FEM1A: variants seen among roughly 807,000 people sequenced by gnomAD.
The protein encoded by FEM1A is fem-1 homolog A.
In FEM1A, 1 loss-of-function variant was observed where a neutral mutation model predicts 0.7. That is an observed-to-expected ratio of 1.35 (90% CI 0.48 to 6.40). The LOEUF is 6.40. Ranked by LOEUF, FEM1A falls within the 30% of genes most tolerant of loss-of-function variation. The pLI is 0.14. For missense variants in FEM1A, 721 were observed against 918.7 expected (o/e 0.78, Z 2.78); for synonymous variants, 391 against 420.6 (o/e 0.93, Z 0.86).
At position 4,796,330 on chromosome 19, in the gene FEM1A, T is replaced by G. The variant is rs1193533227; in HGVS notation, c.*2466T>G. The G allele has an allele frequency of 6.6e-6, 1 of 152,042 alleles. No homozygotes were observed. Among genetic ancestry groups the G allele is most frequent in the Admixed American group, 6.6e-5 (1 of 15,232 alleles). The allele number at this position is 152,042 out of a possible 1,614,324, so 9.4% of individuals were successfully genotyped here. On this transcript the variant is annotated 3_prime_UTR_variant, in exon 1 of 1. Coordinates refer to ENST00000269856, the MANE Select transcript of FEM1A (RefSeq NM_018708.3). ...CCTCAGCCTCCTGAGCATCTGGGACTACAGGCATACACCACCATGCCTGGC... is the reference window on the plus strand; with the variant it reads ...CCTCAGCCTCCTGAGCATCTGGGACGACAGGCATACACCACCATGCCTGGC...
chr19:4,792,655 T>G lies in FEM1A; in HGVS notation c.801T>G (p.Pro267=), dbSNP rs369713713. The part of the protein sequence containing the change: ...DPSTSQGCAQ[P]QGAPCCSSSP... ...CCACCAGCCAGGGGTGTGCGCAGCCTCAGGGGGCTCCGTGCTGCAGCTCCT... is the reference window on the plus strand; with the variant it reads ...CCACCAGCCAGGGGTGTGCGCAGCCGCAGGGGGCTCCGTGCTGCAGCTCCT... Residue 267 remains proline, a synonymous_variant, in exon 1 of 1, where the codon CCT becomes CCG. Coordinates refer to ENST00000269856, the MANE Select transcript of FEM1A (RefSeq NM_018708.3). The surrounding 1 kb of genome is among the most constrained non-coding windows in gnomAD (Gnocchi z 6.7). 219 of 1,612,036 alleles carry G rather than the reference T, an allele frequency of 1.4e-4. No individual in the cohort carries two copies. The East Asian group carries it at 3.7e-3, about 27-fold the overall frequency.
chr19:4,794,645 T>C lies in FEM1A; in HGVS notation c.*781T>C, dbSNP rs2093559038. The C allele has an allele frequency of 1.2e-5, 2 of 166,724 alleles. No individual in the cohort carries two copies. The highest frequency in any genetic ancestry group is 4.1e-4 in the South Asian group (2 of 4,822). 10.3% of individuals were successfully genotyped at this position (166,724 alleles called of 1,614,324 possible). A position where few individuals can be genotyped will look rare whatever the true frequency, so the allele number is the denominator to read the frequency against. ...CCGAGGGCACAGGGAGTGAGCTGTA[T>C]GTGTGAGGAATTTGGTGAGCGAGAT... is the stretch of plus-strand genomic sequence containing the variant. On this transcript the variant is annotated 3_prime_UTR_variant, in exon 1 of 1. Transcript: ENST00000269856.
At position 4,796,767 on chromosome 19, in the gene FEM1A, C is replaced by G. The variant is rs187614474; in HGVS notation, c.*2903C>G. The G allele has an allele frequency of 5.9e-5, 9 of 152,578 alleles. No individual in the cohort carries two copies. Among genetic ancestry groups the G allele is most frequent in the African/African-American group, 1.9e-4 (8 of 41,576 alleles). The allele number at this position is 152,578 out of a possible 1,614,324, so 9.5% of individuals were successfully genotyped here. On this transcript the variant is annotated 3_prime_UTR_variant, in exon 1 of 1. Transcript: ENST00000269856. ...GGGGAGAGGCCCTGCTGTGGGGCAC[C>G]GCATGCTGCTTCCATGGTGCATTGG...
At position 4,793,778 on chromosome 19, in the gene FEM1A, C is replaced by T; in HGVS notation, c.1924C>T (p.Leu642Phe). 1 of 1,611,840 alleles carries T rather than the reference C, an allele frequency of 6.2e-7. No individual in the cohort carries two copies. Among genetic ancestry groups the T allele is most frequent in the Non-Finnish European group, 8.5e-7 (1 of 1,179,642 alleles). Residue 642 changes from leucine to phenylalanine, a missense_variant, in exon 1 of 1, where the codon CTT (leucine) becomes TTT (phenylalanine). Around this residue, in one of 4 missense-constraint regions of FEM1A, gnomAD observed 379 missense variants for 454.8 expected, o/e 0.83. Coordinates refer to ENST00000269856, the MANE Select transcript of FEM1A (RefSeq NM_018708.3). The surrounding 1 kb of genome is among the most constrained non-coding windows in gnomAD (Gnocchi z 5.1). ...QPFNYVTLQC[L>F]AARALDKNKI... ...CTTCAACTACGTGACCCTGCAGTGC[C>T]TTGCGGCCCGGGCCCTGGATAAGAA... is the stretch of plus-strand genomic sequence containing the variant.
In FEM1A at chr19:4,800,177, T is replaced by C. The variant is rs1465072753; in HGVS notation, c.*6313T>C. On this transcript the variant is annotated 3_prime_UTR_variant, in exon 1 of 1. Transcript: ENST00000269856. ...GAGAAAAATAAGAATAATAATAAAG[T>C]AGGAAAAACAGCCCTCTTAAGAGGA... is the stretch of plus-strand genomic sequence containing the variant. 6.6e-6 allele frequency: 1 copy of C among 151,856 alleles called. No homozygotes were observed. The highest frequency in any genetic ancestry group is 6.6e-5 in the Admixed American group (1 of 15,196). 9.4% of individuals were successfully genotyped at this position (151,856 alleles called of 1,614,324 possible).
chr19:4,793,791 C>T lies in FEM1A; in HGVS notation c.1937C>T (p.Ala646Val), dbSNP rs777026417. The change falls in exon 1 of 1, where the codon GCC (alanine) becomes GTC (valine). Residue 646 changes from alanine (A) to valine (V), a missense_variant. Transcript: ENST00000269856. This position sits in a 1 kb window ranked among gnomAD's most constrained non-coding sequence, Gnocchi z 5.1. ...ACCCTGCAGTGCCTTGCGGCCCGGGCCCTGGATAAGAACAAGATCCCTTAC... is the reference window on the plus strand; with the variant it reads ...ACCCTGCAGTGCCTTGCGGCCCGGGTCCTGGATAAGAACAAGATCCCTTAC... ...YVTLQCLAAR[A>V]LDKNKIPYKG... 1.9e-5 allele frequency: 31 copies of T among 1,610,696 alleles called. No homozygotes were observed. The highest frequency in any genetic ancestry group is 2.4e-5 in the Non-Finnish European group (28 of 1,179,340).
Position 4,793,843 on chromosome 19 carries a change from G to C in FEM1A, c.1989G>C (p.Glu663Asp), listed in dbSNP as rs901086160. 10 of 1,605,482 alleles carry C rather than the reference G, an allele frequency of 6.2e-6. No individual in the cohort carries two copies. The highest frequency in any genetic ancestry group is 1.7e-5 in the Admixed American group (1 of 59,172). ...AGGGCTTCATCCCGGAAGATCTGGA[G>C]GCGTTCATCGAACTGCACTGACCTG... ...PYKGFIPEDL[E>D]AFIELH Residue 663 changes from glutamate (E) to aspartate (D), a missense_variant, in exon 1 of 1, where the codon GAG (glutamate) becomes GAC (aspartate). Glu to Asp is a conservative substitution (Grantham distance 45). This residue lies in a region of FEM1A where 10 missense variants were observed against 25.3 expected (regional missense o/e 0.39). Transcript: ENST00000269856. The surrounding 1 kb of genome is among the most constrained non-coding windows in gnomAD (Gnocchi z 5.1).
rs2093554694 is a variant in FEM1A at position 4,791,862 on chromosome 19, T to G, written c.8T>G (p.Leu3Arg). Residue 3 changes from leucine (L) to arginine (R), a missense_variant, in exon 1 of 1, where the codon CTC becomes CGC. This residue lies in a region of FEM1A where 195 missense variants were observed against 316.9 expected (regional missense o/e 0.62). Transcript: ENST00000269856. Reference sequence around the variant, plus strand: ...CTGGCGGAGGCCCGAACCATGGACCTCCGCACCGCCGTGTACAACGCCGCC... The same window carrying G: ...CTGGCGGAGGCCCGAACCATGGACCGCCGCACCGCCGTGTACAACGCCGCC... MDLRTAVYNAARD... is the reference protein window; with the variant it reads MDRRTAVYNAARD... 6.6e-7 allele frequency: 1 copy of G among 1,510,460 alleles called. No homozygotes were observed. The highest frequency in any genetic ancestry group is 1.4e-5 in the African/African-American group (1 of 69,972). 93.6% of individuals were successfully genotyped at this position (1,510,460 alleles called of 1,614,324 possible).
At position 4,799,849 on chromosome 19, in the gene FEM1A, G is replaced by A. The variant is rs2093566105; in HGVS notation, c.*5985G>A. On this transcript the variant is annotated 3_prime_UTR_variant, in exon 1 of 1. Transcript: ENST00000269856. Reference sequence around the variant, plus strand: ...TGAACCCGGGAGGCGGAGTTACAGTGAGCCGAGATCGCGCCACTGCACTCC... The same window carrying A: ...TGAACCCGGGAGGCGGAGTTACAGTAAGCCGAGATCGCGCCACTGCACTCC... 1 of 132,134 alleles carries A rather than the reference G, an allele frequency of 7.6e-6. No individual in the cohort carries two copies. Among genetic ancestry groups the A allele is most frequent in the Non-Finnish European group, 1.6e-5 (1 of 64,394 alleles). 8.2% of individuals were successfully genotyped at this position (132,134 alleles called of 1,614,324 possible). A position where few individuals can be genotyped will look rare whatever the true frequency, so the allele number is the denominator to read the frequency against.
rs1292572931 is a variant in FEM1A at position 4,800,398 on chromosome 19, C to G, written c.*6534C>G. 6.6e-6 allele frequency: 1 copy of G among 152,286 alleles called. No homozygotes were observed. The highest frequency in any genetic ancestry group is 6.6e-5 in the Admixed American group (1 of 15,260). 9.4% of individuals were successfully genotyped at this position (152,286 alleles called of 1,614,324 possible). ...GACCTGGGAGATGGGGAAGTGGGGGCCCCCCCAAGCTCGCCGACTGCCCTT... is the reference window on the plus strand; with the variant it reads ...GACCTGGGAGATGGGGAAGTGGGGGGCCCCCCAAGCTCGCCGACTGCCCTT... On this transcript the variant is annotated 3_prime_UTR_variant, in exon 1 of 1. Coordinates refer to ENST00000269856, the MANE Select transcript of FEM1A (RefSeq NM_018708.3).
chr19:4,793,575 C>G lies in FEM1A; in HGVS notation c.1721C>G (p.Pro574Arg). Residue 574 changes from proline to arginine, a missense_variant, in exon 1 of 1, where the codon CCG (proline) becomes CGG (arginine). Physicochemically the swap from Pro to Arg is moderately radical, Grantham distance 103. Around this residue, in one of 4 missense-constraint regions of FEM1A, gnomAD observed 379 missense variants for 454.8 expected, o/e 0.83. Transcript: ENST00000269856. The surrounding 1 kb of genome is among the most constrained non-coding windows in gnomAD (Gnocchi z 5.1). ...VKVLLDCGADPDSRDFDNNTP... is the reference protein window; with the variant it reads ...VKVLLDCGADRDSRDFDNNTP... ...GTGCTGCTCGACTGCGGGGCCGACCCGGACAGCAGGGATTTTGACAACAAC... is the reference window on the plus strand; with the variant it reads ...GTGCTGCTCGACTGCGGGGCCGACCGGGACAGCAGGGATTTTGACAACAAC... The G allele has an allele frequency of 6.2e-7, 1 of 1,612,944 alleles. No homozygotes were observed. Among genetic ancestry groups the G allele is most frequent in the Non-Finnish European group, 8.5e-7 (1 of 1,179,854 alleles).
chr19:4,800,403 C>CATTAGG lies in FEM1A; in HGVS notation c.*6539_*6540insATTAGG, dbSNP rs2093567220. On this transcript the variant is annotated 3_prime_UTR_variant, in exon 1 of 1. Coordinates refer to ENST00000269856, the MANE Select transcript of FEM1A (RefSeq NM_018708.3). ...GGGAGATGGGGAAGTGGGGGCCCCC[C>CATTAGG]CAAGCTCGCCGACTGCCCTTCCCAG... is the stretch of plus-strand genomic sequence containing the variant. The CATTAGG allele has an allele frequency of 6.6e-6, 1 of 152,500 alleles. No homozygotes were observed. The highest frequency in any genetic ancestry group is 1.5e-5 in the Non-Finnish European group (1 of 68,300). 9.4% of individuals were successfully genotyped at this position (152,500 alleles called of 1,614,324 possible). A position where few individuals can be genotyped will look rare whatever the true frequency, so the allele number is the denominator to read the frequency against.
Position 4,799,094 on chromosome 19 carries a change from AAG to A in FEM1A, c.*5235_*5236del, listed in dbSNP as rs1218062069. 1.3e-5 allele frequency: 2 copies of A among 152,330 alleles called. No individual in the cohort carries two copies. The highest frequency in any genetic ancestry group is 6.6e-5 in the Admixed American group (1 of 15,258). The allele number at this position is 152,330 out of a possible 1,614,324, so 9.4% of individuals were successfully genotyped here. A position where few individuals can be genotyped will look rare whatever the true frequency, so the allele number is the denominator to read the frequency against. On this transcript the variant is annotated 3_prime_UTR_variant, in exon 1 of 1. Coordinates refer to ENST00000269856, the MANE Select transcript of FEM1A (RefSeq NM_018708.3). ...TGTCCCAAGGTGATGACCAGGAGAA[AAG>A]AGAGCGTCTTCCTCCCAGTCACATC... is the stretch of plus-strand genomic sequence containing the variant.
In FEM1A at chr19:4,798,176, T is replaced by C. The variant is rs1374581797; in HGVS notation, c.*4312T>C. 1 of 150,650 alleles carries C rather than the reference T, an allele frequency of 6.6e-6. No homozygotes were observed. Among genetic ancestry groups the C allele is most frequent in the Non-Finnish European group, 1.5e-5 (1 of 67,736 alleles). 9.3% of individuals were successfully genotyped at this position (150,650 alleles called of 1,614,324 possible). ...TGAACCCGGGAGGCGGAGCTTGCAG[T>C]GAGCCGAGATCGCACCACTGCACTC... is the stretch of plus-strand genomic sequence containing the variant. On this transcript the variant is annotated 3_prime_UTR_variant, in exon 1 of 1. Transcript: ENST00000269856.
In FEM1A at chr19:4,798,927, T is replaced by G. The variant is rs189113124; in HGVS notation, c.*5063T>G. The G allele has an allele frequency of 2.0e-5, 3 of 152,310 alleles. No homozygotes were observed. In the East Asian group the frequency reaches 5.8e-4, roughly 29 times the overall value. 9.4% of individuals were successfully genotyped at this position (152,310 alleles called of 1,614,324 possible). A position where few individuals can be genotyped will look rare whatever the true frequency, so the allele number is the denominator to read the frequency against. ...AATGCTTGCTTTGAAAGCTCAGACC[T>G]GGGGATTGTAACTTTAGCCTCATAC... On this transcript the variant is annotated 3_prime_UTR_variant, in exon 1 of 1. Coordinates refer to ENST00000269856, the MANE Select transcript of FEM1A (RefSeq NM_018708.3).
rs34120144 is a variant in FEM1A, at chr19:4,795,702, CT to C, written c.*1853del. 3,427 of 137,158 alleles carry C rather than the reference CT, an allele frequency of 0.025. 94 individuals carry two copies. Among genetic ancestry groups the C allele is most frequent in the African/African-American group, 0.075 (2,758 of 36,766 alleles). The allele number at this position is 137,158 out of a possible 1,614,324, so 8.5% of individuals were successfully genotyped here. A position where few individuals can be genotyped will look rare whatever the true frequency, so the allele number is the denominator to read the frequency against. On this transcript the variant is annotated 3_prime_UTR_variant, in exon 1 of 1. Transcript: ENST00000269856. ...GGGGTTTCTGTGTTACATACTGGGG[CT>C]TTTTTTTTTTTTTTGAGACAGAGTC...
Position 4,793,790 on chromosome 19 carries a change from G to A in FEM1A, c.1936G>A (p.Ala646Thr). 4 of 1,611,150 alleles carry A rather than the reference G, an allele frequency of 2.5e-6. No homozygotes were observed. Among genetic ancestry groups the A allele is most frequent in the Non-Finnish European group, 3.4e-6 (4 of 1,179,438 alleles). ...YVTLQCLAAR[A>T]LDKNKIPYKG... is the part of the protein sequence containing the mutation. Reference sequence around the variant, plus strand: ...GACCCTGCAGTGCCTTGCGGCCCGGGCCCTGGATAAGAACAAGATCCCTTA... The same window carrying A: ...GACCCTGCAGTGCCTTGCGGCCCGGACCCTGGATAAGAACAAGATCCCTTA... Residue 646 changes from alanine to threonine, a missense_variant, in exon 1 of 1, where the codon GCC (alanine) becomes ACC (threonine). By Grantham distance (58) the Ala-to-Thr change is moderately conservative. This residue lies in a region of FEM1A where 379 missense variants were observed against 454.8 expected (regional missense o/e 0.83). Transcript: ENST00000269856. The surrounding 1 kb of genome is among the most constrained non-coding windows in gnomAD (Gnocchi z 5.1).
In FEM1A at chr19:4,799,838, G is replaced by A. The variant is rs34239498; in HGVS notation, c.*5974G>A. 38,994 of 141,998 alleles carry A rather than the reference G, an allele frequency of 0.27. 6,156 individuals carry two copies. The highest frequency in any genetic ancestry group is 0.43 in the East Asian group (2,103 of 4,844). The allele number at this position is 141,998 out of a possible 1,614,324, so 8.8% of individuals were successfully genotyped here. ...GGAGAGTGGCGTGAACCCGGGAGGC[G>A]GAGTTACAGTGAGCCGAGATCGCGC... On this transcript the variant is annotated 3_prime_UTR_variant, in exon 1 of 1. Transcript: ENST00000269856.
At position 4,792,202 on chromosome 19, in the gene FEM1A, C is replaced by T; in HGVS notation, c.348C>T (p.Asn116=). Residue 116 remains asparagine (N), a synonymous_variant, in exon 1 of 1, where the codon AAC becomes AAT. Coordinates refer to ENST00000269856, the MANE Select transcript of FEM1A (RefSeq NM_018708.3). The surrounding 1 kb of genome is among the most constrained non-coding windows in gnomAD (Gnocchi z 6.7). ...GASVNRTTRT[N]STPLRAACFD... ...CGGTGAACCGCACCACGCGCACCAA[C>T]TCCACGCCTCTCCGCGCCGCCTGCT... The T allele has an allele frequency of 6.7e-7, 1 of 1,501,648 alleles. No homozygotes were observed. 93.0% of individuals were successfully genotyped at this position (1,501,648 alleles called of 1,614,324 possible).
Sources: gnomAD v4.1 joint callset for allele counts on GRCh38, gnomAD v4.1.1 for gene constraint, gnomAD v4.1.1 regional missense constraint, Gnocchi (gnomAD v3.1) non-coding constraint, MANE v1.5 for transcripts, NCBI Gene and HGNC (gene_info 2026-07-23, HGNC 2026-07-21) for gene names.